The following PCDH15 variants were observed in gnomAD, a reference collection of about 807,000 sequenced individuals.
The protein encoded by PCDH15 is protocadherin-15.
A neutral mutation model predicts 178.5 loss-of-function variants in PCDH15; 129 were observed. The observed-to-expected ratio is 0.72, with a 90% CI of 0.63 to 0.84. The LOEUF (loss-of-function observed/expected upper bound fraction) is 0.84, where lower values mean the gene tolerates loss of function less well. Among genes scored for constraint, PCDH15 ranks in the 40% least tolerant of loss-of-function variants. The pLI, the probability that PCDH15 is intolerant of heterozygous loss-of-function variation, is 0.00. For synonymous variants in PCDH15, 800 were observed against 732.0 expected (o/e 1.09, Z -1.50); for missense variants, 2,230 against 2,099.9 (o/e 1.06, Z -1.21).
chr10:54,386,814 G>A (rs1238522090), intron 3 of PCDH15, among the ~76,000 whole-genome samples: 1 of 152,154 alleles, frequency 6.6e-6, no homozygotes, highest in Admixed American at 6.5e-5. Context: ...CTAAAAAATA[G>A]CAAGTGTTGG....
rs1841155122 is a variant in PCDH15, at chr10:53,806,356, G to GTTAT, written c.*219_*222dup. ...AAACAGCTAAATGTTTAAACGATAG[G>GTTAT]TTATTTAGTGAAAGTATGTCCAAAA... On this transcript the variant is annotated 3_prime_UTR_variant, in exon 38 of 38. Coordinates refer to ENST00000644397, the MANE Select transcript of PCDH15 (RefSeq NM_001384140.1). 1 of 478,010 alleles carries GTTAT rather than the reference G, an allele frequency of 2.1e-6. No individual in the cohort carries two copies. The highest frequency in any genetic ancestry group is 3.3e-5 in the East Asian group (1 of 30,160). 29.6% of individuals were successfully genotyped at this position (478,010 alleles called of 1,614,324 possible).
intron 1 of PCDH15, among the ~76,000 whole-genome samples, chr10:55,227,052 C>T (rs1403068545): frequency 2.0e-5 from 3 of 151,796 alleles, no homozygotes; most frequent in Non-Finnish European, 4.4e-5. Flanking sequence ...AGTCATTCCA[C>T]AATGTATATA....
chr10:53,976,753 A>G (rs576874365), intron 21 of PCDH15, among the ~76,000 whole-genome samples: 49 of 152,182 alleles, frequency 3.2e-4, no homozygotes, highest in African/African-American at 1.2e-3. Context: ...AATGAATACT[A>G]CAACTGATTT....
intron 2 of PCDH15, among the ~76,000 whole-genome samples, chr10:55,615,362 A>G (rs528773344): frequency 6.6e-6 from 1 of 152,352 alleles, no homozygotes; most frequent in African/African-American, 2.4e-5. Context: ...GCAAAATGTC[A>G]TTAAATCATT....
At chr10:54,304,826 T>G (rs1053095871) in intron 8 of PCDH15, among the ~76,000 whole-genome samples, 9 of 152,112 alleles carry the variant, frequency 5.9e-5, no homozygotes, top group Admixed American at 5.9e-4. Flanking sequence ...ACTTGGGAAG[T>G]AGATAAATTC....
At chr10:54,646,289 C>G (rs974350626) in intron 2 of PCDH15, among the ~76,000 whole-genome samples, 4 of 152,054 alleles carry the variant, frequency 2.6e-5, no homozygotes, top group Admixed American at 6.6e-5. Context: ...GAATACAAAA[C>G]TCACGTAAAT....
At chr10:53,846,211 G>T (rs1564599060) in intron 28 of PCDH15, among the ~76,000 whole-genome samples, 1 of 151,716 alleles carries the variant, frequency 6.6e-6, no homozygotes, top group Non-Finnish European at 1.5e-5. Flanking sequence ...GCTGTGATTG[G>T]TCTTCTAAAA....
intron 1 of PCDH15, among the ~76,000 whole-genome samples, chr10:54,720,202 C>G (rs942130292): frequency 6.6e-5 from 10 of 151,742 alleles, no homozygotes; most frequent in Non-Finnish European, 1.5e-4. Flanking sequence ...GGGTATATAC[C>G]CAAAGGAATA....
rs773606615 is a variant in PCDH15 at position 54,277,242 on chromosome 10, C to A, written c.876+40029G>T. On this transcript the variant is annotated intron_variant, in intron 8 of 37. Coordinates refer to ENST00000644397, the MANE Select transcript of PCDH15 (RefSeq NM_001384140.1). ...AGGTGGTTTCATTGTTACAGGATAACCTAGCATACGCTGACTGCTATTAGA... is the reference window on the plus strand; with the variant it reads ...AGGTGGTTTCATTGTTACAGGATAAACTAGCATACGCTGACTGCTATTAGA... 4.0e-5 allele frequency among the ~76,000 whole-genome samples: 6 copies of A among 151,576 alleles called. No homozygotes were observed. The East Asian group carries it at 1.2e-3, about 29-fold the overall frequency.
chr10:54,131,011 T>C (rs2042392570), intron 15 of PCDH15, among the ~76,000 whole-genome samples: 1 of 152,220 alleles, frequency 6.6e-6, no homozygotes, highest in South Asian at 2.1e-4. Flanking sequence ...ACAGTTGGCA[T>C]CCTTTCTTTT....
chr10:54,078,746 G>A (rs1303317644), intron 17 of PCDH15, among the ~76,000 whole-genome samples: 2 of 116,350 alleles, frequency 1.7e-5, no homozygotes, highest in Non-Finnish European at 3.8e-5. Flanking sequence ...AGTTCAGAAT[G>A]TCTAACAATT....
intron 8 of PCDH15, among the ~76,000 whole-genome samples, chr10:54,259,291 C>T (rs2043994): frequency 0.15 from 22,357 of 152,156 alleles, 2,181 homozygotes; most frequent in South Asian, 0.23. Flanking sequence ...CATCTTCTAC[C>T]GGCCCCTGTC....
chr10:55,352,781 T>A (rs1844971901), intron 2 of PCDH15, among the ~76,000 whole-genome samples: 1 of 152,000 alleles, frequency 6.6e-6, no homozygotes. Context: ...ACCAGCTGAG[T>A]GGTTGGACTG....
intron 2 of PCDH15, among the ~76,000 whole-genome samples, chr10:55,491,815 A>G (rs1840425514): frequency 6.6e-6 from 1 of 151,662 alleles, no homozygotes; most frequent in South Asian, 2.1e-4. Context: ...TGTTTAATAG[A>G]AAAAATGAGG....
At chr10:54,674,851 A>G (rs1180956896) in intron 1 of PCDH15, among the ~76,000 whole-genome samples, 1 of 152,068 alleles carries the variant, frequency 6.6e-6, no homozygotes, top group Non-Finnish European at 1.5e-5. Flanking sequence ...TAATTTTATA[A>G]TTGTAAAACT....
At chr10:54,466,729 T>C (rs1031344812) in intron 3 of PCDH15, among the ~76,000 whole-genome samples, 5 of 151,994 alleles carry the variant, frequency 3.3e-5, no homozygotes, top group Non-Finnish European at 7.4e-5. Flanking sequence ...TGATAGAGAT[T>C]GCAATGAATT....
rs1057517443 is a variant in PCDH15, at chr10:54,132,986, A to C, written c.1806T>G (p.Tyr602Ter). ...GATTATTTGGTGGAAGCACTTCAATATACACAGTGCAGATGGAGTTCCTGC... is the reference window on the plus strand; with the variant it reads ...GATTATTTGGTGGAAGCACTTCAATCTACACAGTGCAGATGGAGTTCCTGC... ...AERRNSICTV[Y>*]IEVLPPNNQS... Residue 602 changes from tyrosine to a stop codon, truncating the protein, a stop_gained, in exon 15 of 38, where the codon TAT becomes TAG. Transcript: ENST00000644397. LOFTEE classifies it high-confidence loss of function. The C allele has an allele frequency of 7.4e-6, 12 of 1,614,074 alleles. No individual in the cohort carries two copies. Among genetic ancestry groups the C allele is most frequent in the Non-Finnish European group, 1.0e-5 (12 of 1,179,966 alleles).
At chr10:55,427,877 A>C (rs899230339) in intron 2 of PCDH15, among the ~76,000 whole-genome samples, 4 of 152,098 alleles carry the variant, frequency 2.6e-5, no homozygotes, top group African/African-American at 9.7e-5. Flanking sequence ...AGTATCTCCA[A>C]ATAGCATTTT....
intron 26 of PCDH15, among the ~76,000 whole-genome samples, chr10:53,899,392 C>T (rs2082178262): frequency 1.3e-5 from 2 of 151,966 alleles, no homozygotes; most frequent in African/African-American, 4.8e-5. Context: ...GTCACTTTAC[C>T]TGTAGCATAT....
Sources: allele counts gnomAD v4.1 joint callset (sites outside exome capture counted in the v4.1 genomes callset), GRCh38; gene constraint gnomAD v4.1.1; transcripts MANE v1.5; gene names NCBI Gene and HGNC (gene_info 2026-07-23, HGNC 2026-07-21).